DMD: variants seen among roughly 807,000 people sequenced by gnomAD.
DMD encodes dystrophin.
Under a neutral mutation model 330.1 loss-of-function variants are expected in DMD, and 63 were observed. That is an observed-to-expected ratio of 0.19 (90% CI 0.16 to 0.24). DMD has a LOEUF of 0.24. Ranked by LOEUF, DMD falls within the 10% of genes least tolerant of loss-of-function variation. The pLI is 1.00. For missense variants in DMD, 3,344 were observed against 2,684.1 expected (o/e 1.25, Z -5.43); for synonymous variants, 1,223 against 959.8 (o/e 1.27, Z -5.07).
At chrX:32,868,072 A>C (rs761789374) in intron 2 of DMD, among the ~76,000 whole-genome samples, 9 of 110,684 alleles carry the variant, frequency 8.1e-5, no homozygotes, top group South Asian at 4.0e-4. Context: ...TTGGCATGAG[A>C]GCGCAAGGAA....
chrX:33,197,167 A>G (rs929455682), intron 1 of DMD, among the ~76,000 whole-genome samples: 3 of 111,668 alleles, frequency 2.7e-5, no homozygotes, highest in African/African-American at 9.7e-5. Context: ...ATCCTCGATT[A>G]GGTTTGGTGA....
intron 8 of DMD, among the ~76,000 whole-genome samples, chrX:32,698,273 A>G (rs2063803332): frequency 9.0e-6 from 1 of 111,376 alleles, no homozygotes; most frequent in Non-Finnish European, 1.9e-5. Flanking sequence ...CAACATTTAT[A>G]TGGGATGGTA....
intron 43 of DMD, among the ~76,000 whole-genome samples, chrX:32,251,912 G>A (rs1221431629): frequency 9.0e-6 from 1 of 111,385 alleles, no homozygotes; most frequent in Admixed American, 9.6e-5. Flanking sequence ...TGGGAGGATT[G>A]CTTGAGCCCA....
chrX:32,547,607 C>A (rs1310229188), intron 16 of DMD, among the ~76,000 whole-genome samples: 1 of 111,215 alleles, frequency 9.0e-6, no homozygotes, highest in Non-Finnish European at 1.9e-5. Flanking sequence ...CTACTTCATA[C>A]AATCAGAATA....
Position 31,854,905 on chromosome X carries a change from G to C in DMD, c.7099-18086C>G, listed in dbSNP as rs114890880. 5.3e-3 allele frequency among the ~76,000 whole-genome samples: 592 copies of C among 111,148 alleles called. 5 individuals carry two copies. Among genetic ancestry groups the C allele is most frequent in the African/African-American group, 0.018 (563 of 30,550 alleles). The stretch of plus-strand genomic sequence containing the variant: ...GGTCACTATGCACAAGATGCCAGTA[G>C]CACTTTCTCCTCCCCCATGTGTGAC... On this transcript the variant is annotated intron_variant, in intron 48 of 78. Coordinates refer to ENST00000357033, the MANE Select transcript of DMD (RefSeq NM_004006.3).
At chrX:32,171,061 T>C (rs2096885910) in intron 44 of DMD, among the ~76,000 whole-genome samples, 1 of 112,118 alleles carries the variant, frequency 8.9e-6, no homozygotes, top group African/African-American at 3.2e-5. Flanking sequence ...ACTAGTAATA[T>C]TGGTAAACAA....
At chrX:32,997,540 G>A (rs73621854) in intron 2 of DMD, among the ~76,000 whole-genome samples, 195 of 111,772 alleles carry the variant, frequency 1.7e-3, no homozygotes, top group African/African-American at 6.1e-3. Context: ...CACCGCACCC[G>A]GCCCCTCTCA....
intron 1 of DMD, among the ~76,000 whole-genome samples, chrX:33,238,819 A>T (rs1471650941): frequency 9.0e-6 from 1 of 111,393 alleles, no homozygotes; most frequent in Non-Finnish European, 1.9e-5. Flanking sequence ...TAAGTAAAGG[A>T]TAGGACACCA....
intron 40 of DMD, chrX:32,342,770 G>A (rs1225154642): frequency 5.9e-6 from 2 of 336,841 alleles, no homozygotes; most frequent in African/African-American, 2.6e-5. Context: ...AGTGAACACT[G>A]ATGTGTGAAG....
Position 31,940,763 on chromosome X carries a change from C to T in DMD, c.6615-8536G>A, listed in dbSNP as rs758504279. On this transcript the variant is annotated intron_variant, in intron 45 of 78. Coordinates refer to ENST00000357033, the MANE Select transcript of DMD (RefSeq NM_004006.3). ...GAGGGAGGAGGCCATGCAAATATTG[C>T]GGGAAAGAACGCCCTAAGCAGAGAA... Among the ~76,000 whole-genome samples the T allele has an allele frequency of 9.2e-4, 100 of 108,899 alleles. 1 individual carries two copies. The highest frequency in any genetic ancestry group is 1.4e-3 in the Non-Finnish European group (73 of 52,478). 94.6% of individuals were successfully genotyped at this position (108,899 alleles called of 115,157 possible).
intron 7 of DMD, among the ~76,000 whole-genome samples, chrX:32,776,357 G>A (rs1435002674): frequency 9.2e-6 from 1 of 109,176 alleles, no homozygotes; most frequent in Non-Finnish European, 1.9e-5. Flanking sequence ...TATATTTATA[G>A]CAATGCCCCA....
intron 52 of DMD, among the ~76,000 whole-genome samples, chrX:31,722,637 C>A (rs2085657058): frequency 9.0e-6 from 1 of 111,327 alleles, no homozygotes; most frequent in Non-Finnish European, 1.9e-5. Flanking sequence ...TAATCCTCAG[C>A]TAAAGAGTTT....
chrX:33,095,056 T>C (rs1344703140), intron 1 of DMD, among the ~76,000 whole-genome samples: 1 of 112,175 alleles, frequency 8.9e-6, no homozygotes, highest in East Asian at 2.8e-4. Flanking sequence ...ATGCATGTAA[T>C]TACCTTTTGC....
chrX:32,734,200 CA>C (rs1437980125), intron 7 of DMD, among the ~76,000 whole-genome samples: 3 of 108,209 alleles, frequency 2.8e-5, no homozygotes, highest in Non-Finnish European at 5.7e-5. Context: ...TACACTCTCC[CA>C]AGACTAAACC....
chrX:31,532,288 G>A (rs1176426393), intron 55 of DMD, among the ~76,000 whole-genome samples: 2 of 80,213 alleles, frequency 2.5e-5, no homozygotes, highest in Admixed American at 1.6e-4. Context: ...CGGATCTCTC[G>A]GCAGAAACCC....
intron 55 of DMD, among the ~76,000 whole-genome samples, chrX:31,608,657 C>G (rs1015400906): frequency 1.8e-5 from 2 of 111,540 alleles, no homozygotes; most frequent in African/African-American, 6.5e-5. Context: ...TAGTGCAGCC[C>G]TGCTGTTCAT....
intron 2 of DMD, among the ~76,000 whole-genome samples, chrX:32,920,742 A>G (rs2088312898): frequency 3.6e-5 from 4 of 112,498 alleles, no homozygotes; most frequent in African/African-American, 1.3e-4. Flanking sequence ...ATGCAAGGAA[A>G]CTACTCTCAT....
intron 7 of DMD, among the ~76,000 whole-genome samples, chrX:32,707,190 A>G (rs1444040296): frequency 3.6e-5 from 4 of 112,338 alleles, no homozygotes; most frequent in African/African-American, 1.3e-4. Context: ...TATATTTTAG[A>G]CTTTAATAAT....
At chrX:32,875,952 T>C (rs1448916424) in intron 2 of DMD, among the ~76,000 whole-genome samples, 4 of 111,700 alleles carry the variant, frequency 3.6e-5, no homozygotes, top group Admixed American at 2.9e-4. Context: ...AAACTCCATA[T>C]TGATTACCCC....
Sources: allele counts gnomAD v4.1 joint callset (sites outside exome capture counted in the v4.1 genomes callset), GRCh38; gene constraint gnomAD v4.1.1; transcripts MANE v1.5; gene names NCBI Gene and HGNC (gene_info 2026-07-23, HGNC 2026-07-21).